Variants in SLX4IP observed in about 807,000 individuals in gnomAD.
SLX4IP encodes the protein SLX4 interacting protein, also known as protein SLX4IP.
SLX4IP carries 34 observed loss-of-function variants against 32.9 expected under a neutral mutation model. The observed-to-expected ratio is 1.03, with a 90% CI of 0.79 to 1.38. The LOEUF (loss-of-function observed/expected upper bound fraction) is 1.38, where lower values mean the gene tolerates loss of function less well. SLX4IP is among the 40% of genes most tolerant of loss of function. SLX4IP has a pLI of 0.00. For synonymous variants in SLX4IP, 172 were observed against 171.7 expected, an observed-to-expected ratio of 1.00 and a Z score of -0.01; for missense variants, 444 against 479.0, an observed-to-expected ratio of 0.93 and a Z score of 0.68.
intron 2 of SLX4IP, among the ~76,000 whole-genome samples, chr20:10,531,758 G>A (rs1000201573): frequency 4.6e-5 from 7 of 152,150 alleles, no homozygotes; most frequent in Non-Finnish European, 5.9e-5. Context: ...GAACTTTCAA[G>A]GTGAACTCTG....
intron 6 of SLX4IP, among the ~76,000 whole-genome samples, chr20:10,616,378 CA>C (rs35911173): frequency 0.69 from 98,553 of 142,308 alleles, 33,506 homozygotes; most frequent in South Asian, 0.79. Context: ...TGTCAAGTCC[CA>C]AAAAAAAAAA....
At chr20:10,481,958 A>G (rs2065526097) in intron 2 of SLX4IP, among the ~76,000 whole-genome samples, 2 of 152,336 alleles carry the variant, frequency 1.3e-5, no homozygotes, top group South Asian at 2.1e-4. Flanking sequence ...GGCTTTCCTC[A>G]GAGCAAGCAA....
intron 2 of SLX4IP, among the ~76,000 whole-genome samples, chr20:10,531,003 T>C (rs754347547): frequency 3.3e-5 from 5 of 152,238 alleles, no homozygotes; most frequent in Admixed American, 6.5e-5. Context: ...GATTTATTCC[T>C]GTGCTAACTA....
chr20:10,608,674 A>T (rs1482854511), intron 6 of SLX4IP, among the ~76,000 whole-genome samples: 1 of 107,370 alleles, frequency 9.3e-6, no homozygotes, highest in Non-Finnish European at 2.0e-5. Flanking sequence ...ACTCTGTCTC[A>T]AAAAAAAAAA....
chr20:10,559,137 A>AC (rs1380369635), intron 3 of SLX4IP, among the ~76,000 whole-genome samples: 2 of 152,142 alleles, frequency 1.3e-5, no homozygotes, highest in Non-Finnish European at 2.9e-5. Flanking sequence ...TAAAAAAAAA[A>AC]AAACCTATGA....
chr20:10,573,940 G>A (rs549950536), intron 4 of SLX4IP, among the ~76,000 whole-genome samples: 1 of 152,188 alleles, frequency 6.6e-6, no homozygotes, highest in Non-Finnish European at 1.5e-5. Context: ...TGGTGAATGT[G>A]CTGCAATTTC....
chr20:10,505,372 A>C (rs1007034477), intron 2 of SLX4IP, among the ~76,000 whole-genome samples: 2 of 152,266 alleles, frequency 1.3e-5, no homozygotes, highest in East Asian at 3.9e-4. Context: ...CTTAAATTCT[A>C]TTTCTAGCTT....
chr20:10,493,352 A>G (rs935837413), intron 2 of SLX4IP, among the ~76,000 whole-genome samples: 2 of 152,148 alleles, frequency 1.3e-5, no homozygotes, highest in African/African-American at 2.4e-5. Context: ...CGTTGTTGCT[A>G]CTATAAATTG....
At chr20:10,582,576 A>G (rs2066598235) in intron 4 of SLX4IP, among the ~76,000 whole-genome samples, 1 of 152,192 alleles carries the variant, frequency 6.6e-6, no homozygotes, top group South Asian at 2.1e-4. Flanking sequence ...GTATGTATCT[A>G]TAACTATGTA....
intron 2 of SLX4IP, among the ~76,000 whole-genome samples, chr20:10,508,878 C>T (rs993502058): frequency 1.3e-5 from 2 of 152,208 alleles, no homozygotes; most frequent in South Asian, 4.1e-4. Context: ...GTGAGTGGCT[C>T]TCCACTGAGG....
chr20:10,503,306 G>A (rs7268643), intron 2 of SLX4IP, among the ~76,000 whole-genome samples: 2,933 of 152,258 alleles, frequency 0.019, 80 homozygotes, highest in African/African-American at 0.056. Flanking sequence ...AACAGCTGGC[G>A]GGTGACTGAC....
intron 5 of SLX4IP, among the ~76,000 whole-genome samples, chr20:10,600,976 G>T (rs1446463092): frequency 6.6e-6 from 1 of 152,136 alleles, no homozygotes; most frequent in African/African-American, 2.4e-5. Context: ...CAAATGGATG[G>T]ATGGACAGAC....
chr20:10,509,361 G>A (rs1048173895), intron 2 of SLX4IP, among the ~76,000 whole-genome samples: 6 of 152,152 alleles, frequency 3.9e-5, no homozygotes, highest in Admixed American at 6.5e-5. Context: ...TGAGATCACC[G>A]AGTTGATAGT....
At chr20:10,593,653 C>T (rs1291133795) in intron 4 of SLX4IP, among the ~76,000 whole-genome samples, 2 of 152,070 alleles carry the variant, frequency 1.3e-5, no homozygotes, top group Non-Finnish European at 2.9e-5. Context: ...AGAGAATCAT[C>T]TGAGCCCAGG....
chr20:10,490,399 C>T lies in SLX4IP; in HGVS notation c.27+32168C>T, dbSNP rs576654554. 7.2e-5 allele frequency among the ~76,000 whole-genome samples: 11 copies of T among 152,176 alleles called. No individual in the cohort carries two copies. In the South Asian group the frequency reaches 2.1e-3, roughly 29 times the overall value. On this transcript the variant is annotated intron_variant, in intron 2 of 7. Transcript: ENST00000334534. ...CAAAGATGTTCAGCTTAATTTGGGT[C>T]CGTGTGTCTTCCTGTAACATCTTTC...
At chr20:10,516,014 G>A (rs1308936258) in intron 2 of SLX4IP, among the ~76,000 whole-genome samples, 1 of 152,068 alleles carries the variant, frequency 6.6e-6, no homozygotes, top group East Asian at 1.9e-4. Context: ...TCAGCCTCTC[G>A]AGAAGCTGAG....
chr20:10,444,835 G>A (rs73896554), intron 1 of SLX4IP, among the ~76,000 whole-genome samples: 1,871 of 152,076 alleles, frequency 0.012, 12 homozygotes, highest in African/African-American at 0.017. Flanking sequence ...AGTCCCCACC[G>A]TTAATACTAT....
At chr20:10,521,645 G>A (rs1366357636) in intron 2 of SLX4IP, among the ~76,000 whole-genome samples, 1 of 152,142 alleles carries the variant, frequency 6.6e-6, no homozygotes, top group African/African-American at 2.4e-5. Context: ...TTATTCATGA[G>A]GACTAAAATG....
intron 4 of SLX4IP, among the ~76,000 whole-genome samples, chr20:10,597,844 G>A (rs190538533): frequency 6.6e-6 from 1 of 152,212 alleles, no homozygotes; most frequent in East Asian, 1.9e-4. Context: ...CTGCATTCTT[G>A]CCAACACTTT....
Sources: gnomAD v4.1 joint callset for allele counts (sites outside exome capture counted in the v4.1 genomes callset) on GRCh38, gnomAD v4.1.1 for gene constraint, MANE v1.5 for transcripts, NCBI Gene and HGNC (gene_info 2026-07-23, HGNC 2026-07-21) for gene names.